GBP7: variants seen among roughly 807,000 people sequenced by gnomAD.
The protein encoded by GBP7 is guanylate binding protein 7.
In GBP7, 43 loss-of-function variants were observed where a neutral mutation model predicts 61.3. That is an observed-to-expected ratio of 0.70 (90% CI 0.55 to 0.91). The LOEUF is 0.91. Ranked by LOEUF, GBP7 falls within the 40% of genes least tolerant of loss-of-function variation. The pLI is 0.00. For missense variants in GBP7, 717 were observed against 740.5 expected (o/e 0.97, Z 0.37); for synonymous variants, 267 against 271.0 (o/e 0.99, Z 0.14).
At chr1:89,136,989 C>T (rs897029364) in intron 9 of GBP7, among the ~76,000 whole-genome samples, 2 of 152,016 alleles carry the variant, frequency 1.3e-5, no homozygotes, top group Admixed American at 1.3e-4. Context: ...ATCAACTCCA[C>T]AGAAATACAA....
chr1:89,158,890 G>T (rs1682372119), intron 3 of GBP7, among the ~76,000 whole-genome samples: 1 of 151,896 alleles, frequency 6.6e-6, no homozygotes, highest in East Asian at 1.9e-4. Context: ...ACCAAAAAGA[G>T]CCCGCATTGC....
At chr1:89,146,199 G>C (rs1256690410) in intron 8 of GBP7, among the ~76,000 whole-genome samples, 2 of 152,212 alleles carry the variant, frequency 1.3e-5, no homozygotes, top group Non-Finnish European at 2.9e-5. Flanking sequence ...AGTACACCAT[G>C]AGAAAAAGAT....
intron 5 of GBP7, 126 bp downstream of exon 5, chr1:89,152,142 C>G: frequency 4.0e-6 from 3 of 745,228 alleles, no homozygotes; most frequent in Non-Finnish European, 6.3e-6. Context: ...TTATCAATCA[C>G]CAACCACCAT....
intron 4 of GBP7, 56 bp downstream of exon 4, chr1:89,152,611 CA>C (rs1032186850): frequency 3.2e-6 from 5 of 1,542,760 alleles, no homozygotes; most frequent in African/African-American, 1.4e-5. Flanking sequence ...GACACAGTAT[CA>C]GTTTCCATTC....
intron 3 of GBP7, among the ~76,000 whole-genome samples, chr1:89,160,412 T>G (rs1378716239): frequency 1.3e-5 from 2 of 152,090 alleles, no homozygotes; most frequent in African/African-American, 2.4e-5. Flanking sequence ...AAATTTCACT[T>G]AGGGAGGAAG....
At chr1:89,147,520 C>T in intron 8 of GBP7, 47 bp downstream of exon 8, 1 of 1,483,140 alleles carries the variant, frequency 6.7e-7, no homozygotes, top group Non-Finnish European at 9.4e-7. Context: ...AACGAAGACC[C>T]TCTGACTATC....
At chr1:89,163,375 A>C (rs966695510) in intron 3 of GBP7, among the ~76,000 whole-genome samples, 1 of 148,682 alleles carries the variant, frequency 6.7e-6, no homozygotes, top group Non-Finnish European at 1.5e-5. Context: ...AAATTCAGCT[A>C]TGAATCCATC....
At chr1:89,158,672 C>T (rs1196510429) in intron 3 of GBP7, among the ~76,000 whole-genome samples, 6 of 152,110 alleles carry the variant, frequency 3.9e-5, no homozygotes, top group Admixed American at 1.3e-4. Flanking sequence ...AGGACCTCTT[C>T]AAGGAGAACT....
intron 9 of GBP7, among the ~76,000 whole-genome samples, chr1:89,134,529 T>C (rs1291400618): frequency 1.3e-5 from 2 of 151,542 alleles, no homozygotes; most frequent in Non-Finnish European, 1.5e-5. Flanking sequence ...GCCATGGGCC[T>C]GGTCCCAGCC....
chr1:89,172,697 G>T (rs1647638227), intron 1 of GBP7, among the ~76,000 whole-genome samples: 1 of 151,396 alleles, frequency 6.6e-6, no homozygotes, highest in Non-Finnish European at 1.5e-5. Flanking sequence ...GTGCCACTTT[G>T]TCACTAAAAA....
intron 1 of GBP7, among the ~76,000 whole-genome samples, chr1:89,172,230 C>T (rs1466549167): frequency 6.6e-6 from 1 of 152,136 alleles, no homozygotes; most frequent in Non-Finnish European, 1.5e-5. Flanking sequence ...TTTACTTAAC[C>T]ATAGAACAAT....
chr1:89,161,544 T>C (rs1044468777), intron 3 of GBP7, among the ~76,000 whole-genome samples: 8 of 152,314 alleles, frequency 5.3e-5, no homozygotes, highest in South Asian at 2.1e-4. Flanking sequence ...CTTTTTTTTT[T>C]CCATATGATT....
At chr1:89,170,574 G>A (rs1283040982) in intron 2 of GBP7, among the ~76,000 whole-genome samples, 1 of 152,106 alleles carries the variant, frequency 6.6e-6, no homozygotes, top group East Asian at 1.9e-4. Context: ...GTGCATCCAA[G>A]CACTAGGGAA....
intron 3 of GBP7, among the ~76,000 whole-genome samples, chr1:89,159,895 T>A (rs148463853): frequency 6.6e-6 from 1 of 152,156 alleles, no homozygotes; most frequent in South Asian, 2.1e-4. Flanking sequence ...CACGCTACTA[T>A]AAAGACACAT....
In GBP7 at chr1:89,171,787, C is replaced by T. The variant is rs761963673; in HGVS notation, c.149G>A (p.Gly50Asp). ...VVAIVGLYRT[G>D]KSYLMNKLAG... is the part of the protein sequence containing the mutation. ...CAGCTTGTTCATTAGGTAGGATTTG[C>T]CTGTGCGGTAGAGGCCCACAATTGC... The change falls in exon 2 of 11, where the codon GGC becomes GAC. Residue 50 changes from glycine to aspartate, a missense_variant. Around this residue, in one of 3 missense-constraint regions of GBP7, gnomAD observed 387 missense variants for 385.2 expected, o/e 1.00. Coordinates refer to ENST00000294671, the MANE Select transcript of GBP7 (RefSeq NM_207398.3). The T allele has an allele frequency of 3.7e-6, 6 of 1,613,220 alleles. No homozygotes were observed. In the South Asian group the frequency reaches 6.6e-5, roughly 18 times the overall value.
chr1:89,153,034 G>A (rs1007166807), intron 3 of GBP7, among the ~76,000 whole-genome samples: 1 of 152,210 alleles, frequency 6.6e-6, no homozygotes, highest in African/African-American at 2.4e-5. Context: ...CCAATCACAC[G>A]ATAAGTAAAT....
intron 2 of GBP7, among the ~76,000 whole-genome samples, chr1:89,167,528 A>G (rs1338606287): frequency 3.9e-5 from 6 of 152,128 alleles, no homozygotes; most frequent in Non-Finnish European, 8.8e-5. Context: ...GTGTTTTCTT[A>G]CTTCTGAACA....
At chr1:89,133,006 A>G (rs2100632498) in intron 10 of GBP7, among the ~76,000 whole-genome samples, 2 of 152,310 alleles carry the variant, frequency 1.3e-5, no homozygotes, top group Middle Eastern at 6.8e-3. Flanking sequence ...AGACCATCCT[A>G]TAATCACCAC....
chr1:89,174,498 C>T (rs1236120968), intron 1 of GBP7, among the ~76,000 whole-genome samples: 1 of 152,166 alleles, frequency 6.6e-6, no homozygotes, highest in Non-Finnish European at 1.5e-5. Flanking sequence ...CTGAGCAAAG[C>T]TGAGCTCGCT....
Sources: gnomAD v4.1 joint callset for allele counts (sites outside exome capture counted in the v4.1 genomes callset) on GRCh38, gnomAD v4.1.1 for gene constraint, gnomAD v4.1.1 regional missense constraint, MANE v1.5 for transcripts, NCBI Gene and HGNC (gene_info 2026-07-23, HGNC 2026-07-21) for gene names.